Variants in GPR141 observed in about 807,000 individuals in gnomAD.
GPR141 encodes probable G protein-coupled receptor 141.
GPR141 carries 6 observed loss-of-function variants against 6.8 expected under a neutral mutation model. The observed-to-expected ratio is 0.88, with a 90% CI of 0.48 to 1.74. The LOEUF (loss-of-function observed/expected upper bound fraction) is 1.74, where lower values mean the gene tolerates loss of function less well. Ranked by LOEUF, GPR141 falls within the 40% of genes most tolerant of loss-of-function variation. The pLI is 0.01. For synonymous variants in GPR141, 140 were observed against 142.3 expected, an observed-to-expected ratio of 0.98 and a Z score of 0.11; for missense variants, 372 against 372.9, an observed-to-expected ratio of 1.00 and a Z score of 0.02.
At chr7:37,724,532 G>A (rs2131826204) in intron 2 of GPR141, among the ~76,000 whole-genome samples, 1 of 152,068 alleles carries the variant, frequency 6.6e-6, no homozygotes, top group East Asian at 1.9e-4. Flanking sequence ...AGATTTTTTT[G>A]GTTTTGGTTT....
intron 2 of GPR141, among the ~76,000 whole-genome samples, chr7:37,718,368 A>G (rs748668961): frequency 2.6e-5 from 4 of 152,094 alleles, no homozygotes; most frequent in East Asian, 1.9e-4. Context: ...ATTAGCAGGC[A>G]TGGTGGCGTG....
chr7:37,726,814 A>G (rs2131831881), intron 2 of GPR141, among the ~76,000 whole-genome samples: 1 of 152,330 alleles, frequency 6.6e-6, no homozygotes, highest in South Asian at 2.1e-4. Flanking sequence ...ATATTTGGCC[A>G]ATTATACCAG....
chr7:37,717,691 A>G (rs954209215), intron 2 of GPR141, among the ~76,000 whole-genome samples: 1 of 152,162 alleles, frequency 6.6e-6, no homozygotes, highest in Non-Finnish European at 1.5e-5. Flanking sequence ...TTGTTCTCCC[A>G]CAACAATGCT....
rs773722508 is a variant in GPR141 at position 37,741,578 on chromosome 7, C to T, written c.*267C>T. 5.9e-5 allele frequency among the ~76,000 whole-genome samples: 9 copies of T among 152,156 alleles called. No individual in the cohort carries two copies. Among genetic ancestry groups the T allele is most frequent in the African/African-American group, 1.4e-4 (6 of 41,422 alleles). ...TCCAGTACAGAATGTCTGTGTGGCC[C>T]ATGAAAGCAACATAGGTTTTAAGAG... On this transcript the variant is annotated 3_prime_UTR_variant, in exon 3 of 3. Coordinates refer to ENST00000334425, the MANE Select transcript of GPR141 (RefSeq NM_001381946.1).
At chr7:37,697,507 C>T (rs1172354660) in intron 2 of GPR141, among the ~76,000 whole-genome samples, 1 of 152,208 alleles carries the variant, frequency 6.6e-6, no homozygotes, top group Non-Finnish European at 1.5e-5. Context: ...TGAATTTTGA[C>T]TTCCAGCTCT....
At chr7:37,738,597 AT>A (rs1812372961) in intron 2 of GPR141, among the ~76,000 whole-genome samples, 1 of 152,004 alleles carries the variant, frequency 6.6e-6, no homozygotes. Context: ...ATTCCTTAAA[AT>A]TTTTTTCCAT....
chr7:37,737,380 T>C (rs768633746), intron 2 of GPR141, among the ~76,000 whole-genome samples: 2 of 152,168 alleles, frequency 1.3e-5, no homozygotes, highest in Non-Finnish European at 1.5e-5. Flanking sequence ...TTATGTGTAA[T>C]ATATCATGTT....
At chr7:37,725,560 C>T (rs1811585421) in intron 2 of GPR141, among the ~76,000 whole-genome samples, 1 of 152,196 alleles carries the variant, frequency 6.6e-6, no homozygotes, top group African/African-American at 2.4e-5. Flanking sequence ...CCTCCCTCAT[C>T]CCCAAGGCTC....
At chr7:37,713,579 T>C (rs1810910670) in intron 2 of GPR141, 1 of 152,248 alleles carries the variant, frequency 6.6e-6, no homozygotes, top group South Asian at 2.1e-4. Context: ...AATTCTTTTC[T>C]GTGTTCCTCA....
At chr7:37,688,162 C>T (rs756825415) in intron 2 of GPR141, among the ~76,000 whole-genome samples, 7 of 152,130 alleles carry the variant, frequency 4.6e-5, no homozygotes, top group African/African-American at 7.2e-5. Context: ...GTAGGCTGGG[C>T]GCGGTGACTC....
In GPR141 at chr7:37,742,937, T is replaced by G. The variant is rs115744587; in HGVS notation, c.*1626T>G. ...TTTGTAAAATTGTATTAATAACTTGTGGCATGTGGCACGTTAAACTGATTT... is the reference window on the plus strand; with the variant it reads ...TTTGTAAAATTGTATTAATAACTTGGGGCATGTGGCACGTTAAACTGATTT... On this transcript the variant is annotated 3_prime_UTR_variant, in exon 3 of 3. Coordinates refer to ENST00000334425, the MANE Select transcript of GPR141 (RefSeq NM_001381946.1). Among the ~76,000 whole-genome samples the G allele has an allele frequency of 1.9e-3, 289 of 152,328 alleles. 2 individuals carry two copies. The highest frequency in any genetic ancestry group is 6.5e-3 in the African/African-American group (272 of 41,572).
At chr7:37,685,274 A>G (rs950964365) in intron 1 of GPR141, 186 bp from the exon 2 acceptor site, 8 of 152,218 alleles carry the variant, frequency 5.3e-5, no homozygotes, top group Admixed American at 2.0e-4. Context: ...TGATACACCA[A>G]TCCTCTGAAA....
intron 2 of GPR141, among the ~76,000 whole-genome samples, chr7:37,738,863 A>G (rs1407510186): frequency 2.0e-5 from 3 of 152,166 alleles, no homozygotes; most frequent in Non-Finnish European, 4.4e-5. Flanking sequence ...AAAAGATATC[A>G]TACAATATAT....
chr7:37,718,523 G>GGT (rs1811155890), intron 2 of GPR141, among the ~76,000 whole-genome samples: 2 of 27,400 alleles, frequency 7.3e-5, no homozygotes, highest in Non-Finnish European at 1.8e-4. Context: ...AAGGAAGGAA[G>GGT]AAAGGAAGGA....
intron 2 of GPR141, among the ~76,000 whole-genome samples, chr7:37,695,278 G>A (rs2131740166): frequency 6.6e-6 from 1 of 152,270 alleles, no homozygotes; most frequent in South Asian, 2.1e-4. Flanking sequence ...CATGCCCCTG[G>A]AGCAAGACAC....
At chr7:37,725,904 T>A (rs769555798) in intron 2 of GPR141, among the ~76,000 whole-genome samples, 6 of 152,136 alleles carry the variant, frequency 3.9e-5, no homozygotes, top group Non-Finnish European at 8.8e-5. Flanking sequence ...CTTCTCATAA[T>A]TTGCAAGCCA....
chr7:37,693,503 C>T (rs373772998), intron 2 of GPR141, among the ~76,000 whole-genome samples: 15 of 152,054 alleles, frequency 9.9e-5, no homozygotes, highest in African/African-American at 2.2e-4. Flanking sequence ...GAGTCACATA[C>T]GGCTGTGTTT....
intron 1 of GPR141, among the ~76,000 whole-genome samples, chr7:37,684,886 T>G (rs1445496017): frequency 6.6e-6 from 1 of 152,236 alleles, no homozygotes; most frequent in Non-Finnish European, 1.5e-5. Flanking sequence ...GACCAATGGA[T>G]GAGGAATCAG....
intron 1 of GPR141, among the ~76,000 whole-genome samples, chr7:37,684,495 TAAATA>T (rs1461954019): frequency 2.0e-5 from 3 of 152,322 alleles, no homozygotes; most frequent in East Asian, 3.9e-4. Flanking sequence ...AATAACTTCT[TAAATA>T]AGATAAATAA....
Sources: gnomAD v4.1 joint callset for allele counts (sites outside exome capture counted in the v4.1 genomes callset) on GRCh38, gnomAD v4.1.1 for gene constraint, MANE v1.5 for transcripts, NCBI Gene and HGNC (gene_info 2026-07-23, HGNC 2026-07-21) for gene names.